Variants in ARHGAP21 observed in about 807,000 individuals in gnomAD.
ARHGAP21 encodes Rho GTPase activating protein 21.
Under a neutral mutation model 164.6 loss-of-function variants are expected in ARHGAP21, and 38 were observed. The ratio of observed to expected loss-of-function variants is 0.23; its 90% CI spans 0.18 to 0.30. The LOEUF (loss-of-function observed/expected upper bound fraction) is 0.30. Among genes scored for constraint, ARHGAP21 ranks in the 10% least tolerant of loss-of-function variants. The pLI, the probability that ARHGAP21 is intolerant of heterozygous loss-of-function variation, is 1.00. For missense variants in ARHGAP21, 1,822 were observed against 2,370.7 expected (o/e 0.77, Z 4.81); for synonymous variants, 766 against 857.9 (o/e 0.89, Z 1.87).
At chr10:24,603,536 C>T (rs771537928) in intron 12 of ARHGAP21, among the ~76,000 whole-genome samples, 89 of 152,076 alleles carry the variant, frequency 5.9e-4, no homozygotes, top group Non-Finnish European at 1.0e-3. Context: ...GTGCAGACAA[C>T]AGTGAGTGAA....
rs1231284772 is a variant in ARHGAP21 at position 24,619,480 on chromosome 10, T to C, written c.2415A>G (p.Pro805=). 3 of 1,613,454 alleles carry C rather than the reference T, an allele frequency of 1.9e-6. No individual in the cohort carries two copies. Among genetic ancestry groups the C allele is most frequent in the Admixed American group, 1.7e-5 (1 of 59,908 alleles). ...SPPGDSLASI[P]FIDEPTSPSI... Reference sequence around the variant, plus strand: ...GACTCTAAATGAGCTCACCTATAAATGGGATGGAAGCCAAAGAATCGCCAG... The same window carrying C: ...GACTCTAAATGAGCTCACCTATAAACGGGATGGAAGCCAAAGAATCGCCAG... Residue 805 remains proline (P), a synonymous_variant, in exon 9 of 26, where the codon CCA becomes CCG. Coordinates refer to ENST00000396432, the MANE Select transcript of ARHGAP21 (RefSeq NM_020824.4).
chr10:24,689,444 C>T (rs1361885388), intron 2 of ARHGAP21, among the ~76,000 whole-genome samples: 1 of 152,066 alleles, frequency 6.6e-6, no homozygotes, highest in Non-Finnish European at 1.5e-5. Context: ...CTTTTTCATA[C>T]ATAAATATAC....
intron 7 of ARHGAP21, among the ~76,000 whole-genome samples, chr10:24,625,572 T>C (rs1835062662): frequency 6.6e-6 from 1 of 152,168 alleles, no homozygotes; most frequent in South Asian, 2.1e-4. Flanking sequence ...CTTGTAATTA[T>C]TTAAAAATAG....
intron 2 of ARHGAP21, among the ~76,000 whole-genome samples, chr10:24,693,979 T>C (rs955020029): frequency 2.0e-5 from 3 of 152,190 alleles, no homozygotes; most frequent in Non-Finnish European, 4.4e-5. Flanking sequence ...TTACAGCCTA[T>C]ACCCAGCACA....
At chr10:24,686,196 C>T (rs533955975) in intron 2 of ARHGAP21, among the ~76,000 whole-genome samples, 3 of 152,038 alleles carry the variant, frequency 2.0e-5, no homozygotes, top group African/African-American at 4.8e-5. Context: ...TTTGGGAAGC[C>T]GAGGCAAGAG....
intron 11 of ARHGAP21, among the ~76,000 whole-genome samples, chr10:24,605,269 C>A (rs2076974564): frequency 6.6e-6 from 1 of 152,130 alleles, no homozygotes; most frequent in South Asian, 2.1e-4. Context: ...TGAAACCAAC[C>A]CATCCCTTGT....
intron 9 of ARHGAP21, among the ~76,000 whole-genome samples, chr10:24,617,679 T>C (rs1834098649): frequency 8.3e-6 from 1 of 119,980 alleles, no homozygotes; most frequent in African/African-American, 2.6e-5. Context: ...AATTAAGTGT[T>C]TTCTCAAGAA....
chr10:24,586,026 C>T lies in ARHGAP21; in HGVS notation c.4263G>A (p.Arg1421=). ...GCTGTGCTTTTTCTTTCGGCTTCTTCCTCTTGCGACTAGCAGCTGCAAAGA... is the reference window on the plus strand; with the variant it reads ...GCTGTGCTTTTTCTTTCGGCTTCTTTCTCTTGCGACTAGCAGCTGCAAAGA... The part of the protein sequence containing the change: ...SSIFAAASRK[R]KKPKEKAQPS... The change falls in exon 26 of 26, where the codon AGG becomes AGA. Residue 1421 remains arginine, a synonymous_variant. Coordinates refer to ENST00000396432, the MANE Select transcript of ARHGAP21 (RefSeq NM_020824.4). The T allele has an allele frequency of 6.2e-7, 1 of 1,614,114 alleles. No individual in the cohort carries two copies. The highest frequency in any genetic ancestry group is 8.5e-7 in the Non-Finnish European group (1 of 1,180,012).
intron 15 of ARHGAP21, 67 bp from the exon 16 acceptor site, chr10:24,597,650 C>T (rs1475983114): frequency 1.5e-5 from 23 of 1,578,920 alleles, no homozygotes; most frequent in Middle Eastern, 1.7e-4. Context: ...TTCAGTTACC[C>T]GTGGTGAGCC....
At chr10:24,703,925 T>C (rs1373348465) in intron 2 of ARHGAP21, among the ~76,000 whole-genome samples, 4 of 152,216 alleles carry the variant, frequency 2.6e-5, no homozygotes, top group African/African-American at 9.6e-5. Flanking sequence ...GGTCAGCAGA[T>C]GTATTTTGCT....
chr10:24,644,615 T>C lies in ARHGAP21; in HGVS notation c.269-9512A>G, dbSNP rs1837379483. 2.6e-5 allele frequency among the ~76,000 whole-genome samples: 4 copies of C among 152,190 alleles called. No individual in the cohort carries two copies. The South Asian group carries it at 8.3e-4, about 31-fold the overall frequency. On this transcript the variant is annotated intron_variant, in intron 4 of 25. Transcript: ENST00000396432. The stretch of plus-strand genomic sequence containing the variant: ...TGTATCCCTTTAGTCCAAATCCTAA[T>C]GAATTCTCTAAGACAAAGGACAAAT...
At chr10:24,630,121 TAACTC>T in intron 6 of ARHGAP21, 71 bp from the exon 7 acceptor site, 2 of 775,460 alleles carry the variant, frequency 2.6e-6, no homozygotes, top group Non-Finnish European at 4.0e-6. Context: ...GAAAAACAGT[TAACTC>T]AGAAGTATTT....
intron 12 of ARHGAP21, 27 bp downstream of exon 12, chr10:24,604,285 G>A: frequency 2.0e-6 from 3 of 1,515,622 alleles, no homozygotes; most frequent in Non-Finnish European, 2.7e-6. Flanking sequence ...GATAAACTAA[G>A]GTAAGTAGAA....
At chr10:24,659,424 T>C (rs1839442391) in intron 4 of ARHGAP21, among the ~76,000 whole-genome samples, 1 of 152,198 alleles carries the variant, frequency 6.6e-6, no homozygotes, top group South Asian at 2.1e-4. Flanking sequence ...CAAGCGATTC[T>C]CCTGCCTCAG....
chr10:24,721,839 C>T lies in ARHGAP21; in HGVS notation c.61G>A (p.Glu21Lys), dbSNP rs773054797. 106 of 1,614,092 alleles carry T rather than the reference C, an allele frequency of 6.6e-5. No homozygotes were observed. In the Admixed American group the frequency reaches 1.7e-3, roughly 26 times the overall value. The change falls in exon 2 of 26, where the codon GAG becomes AAG. Residue 21 changes from glutamate to lysine, a missense_variant and splice_region_variant. Glu to Lys is a moderately conservative substitution (Grantham distance 56). This residue lies in a region of ARHGAP21 where 1,090 missense variants were observed against 1,378.9 expected (regional missense o/e 0.79). Transcript: ENST00000396432. ...AGGAACGCTGGCTCCGCGCTTACCT[C>T]GCAGGCCTTGAGCTTGTCACCATCT... ...EGDGDKLKACEVSKNKDGKEQ... is the reference protein window; with the variant it reads ...EGDGDKLKACKVSKNKDGKEQ...
chr10:24,624,139 A>G (rs1834844641), intron 7 of ARHGAP21, among the ~76,000 whole-genome samples: 2 of 152,180 alleles, frequency 1.3e-5, no homozygotes, highest in African/African-American at 4.8e-5. Context: ...ATTAACAGTG[A>G]ACATCTCACA....
At chr10:24,655,566 G>A (rs574308266) in intron 4 of ARHGAP21, among the ~76,000 whole-genome samples, 7 of 150,318 alleles carry the variant, frequency 4.7e-5, no homozygotes, top group African/African-American at 9.7e-5. Flanking sequence ...CGCGGGGCCC[G>A]AGGGCAAGGA....
In ARHGAP21 at chr10:24,667,188, C is replaced by T. The variant is rs189753881; in HGVS notation, c.244-179G>A. Among the ~76,000 whole-genome samples, 23 of 152,230 alleles carry T rather than the reference C, an allele frequency of 1.5e-4. No homozygotes were observed. The East Asian group carries it at 3.1e-3, about 20-fold the overall frequency. ...AGCCACTGGCAAGCTCAAAAGCAAA[C>T]GTATAGCCCATCTTCAATAACAGTA... On this transcript the variant is annotated intron_variant, in intron 3 of 25. Transcript: ENST00000396432.
intron 2 of ARHGAP21, among the ~76,000 whole-genome samples, chr10:24,683,953 G>C (rs925724935): frequency 2.3e-4 from 35 of 152,270 alleles, no homozygotes; most frequent in African/African-American, 8.2e-4. Context: ...AAAGTAATTT[G>C]CATATGCTAC....
Sources: allele counts gnomAD v4.1 joint callset (sites outside exome capture counted in the v4.1 genomes callset), GRCh38; gene constraint gnomAD v4.1.1; regional missense constraint gnomAD v4.1.1; transcripts MANE v1.5; gene names NCBI Gene and HGNC (gene_info 2026-07-23, HGNC 2026-07-21).